The following FLVCR2 variants were observed in gnomAD, a reference collection of about 807,000 sequenced individuals.
The protein encoded by FLVCR2 is FLVCR choline and putative heme transporter 2, also known as choline/ethanolamine transporter FLVCR2.
FLVCR2 carries 38 observed loss-of-function variants against 48.9 expected under a neutral mutation model. That is an observed-to-expected ratio of 0.78 (90% CI 0.60 to 1.02). FLVCR2 has a LOEUF of 1.02. FLVCR2 is among the 50% of genes least tolerant of loss of function. FLVCR2 has a pLI of 0.00. For missense variants in FLVCR2, 664 were observed against 663.3 expected, an observed-to-expected ratio of 1.00 and a Z score of -0.01; for synonymous variants, 255 against 257.0, an observed-to-expected ratio of 0.99 and a Z score of 0.07.
intron 1 of FLVCR2, among the ~76,000 whole-genome samples, chr14:75,584,312 C>T (rs149002411): frequency 0.022 from 3,281 of 152,282 alleles, 122 homozygotes; most frequent in African/African-American, 0.072. Context: ...ACCTTGAAGG[C>T]GAGGTTGATT....
intron 1 of FLVCR2, among the ~76,000 whole-genome samples, chr14:75,594,616 G>A (rs1266098476): frequency 6.6e-6 from 1 of 152,194 alleles, no homozygotes. Context: ...AACATGGCAG[G>A]AGCCGTCACA....
chr14:75,586,006 T>C (rs1252289844), intron 1 of FLVCR2, among the ~76,000 whole-genome samples: 2 of 152,028 alleles, frequency 1.3e-5, no homozygotes, highest in Non-Finnish European at 2.9e-5. Context: ...CTTCACAGAG[T>C]GAGGGTGAGG....
chr14:75,582,753 G>A (rs747699234), intron 1 of FLVCR2, among the ~76,000 whole-genome samples: 7 of 152,178 alleles, frequency 4.6e-5, no homozygotes, highest in South Asian at 2.1e-4. Context: ...GAGGAGTGGC[G>A]AAAGGATTTA....
Position 75,579,514 on chromosome 14 carries a change from T to G in FLVCR2, c.542T>G (p.Val181Gly). ...SLKPHLFPVT[V>G]VGQLICSVAQ... Reference sequence around the variant, plus strand: ...AAGCCGCATCTCTTTCCGGTCACCGTGGTGGGCCAGCTCATCTGCTCTGTG... The same window carrying G: ...AAGCCGCATCTCTTTCCGGTCACCGGGGTGGGCCAGCTCATCTGCTCTGTG... The change falls in exon 1 of 10, where the codon GTG (valine) becomes GGG (glycine). Residue 181 changes from valine to glycine, a missense_variant. Val to Gly is a moderately radical substitution (Grantham distance 109). Coordinates refer to ENST00000238667, the MANE Select transcript of FLVCR2 (RefSeq NM_017791.3). 6.2e-7 allele frequency: 1 copy of G among 1,613,116 alleles called. No homozygotes were observed. Among genetic ancestry groups the G allele is most frequent in the Non-Finnish European group, 8.5e-7 (1 of 1,179,302 alleles).
At chr14:75,615,746 G>A (rs72723669) in intron 1 of FLVCR2, among the ~76,000 whole-genome samples, 497 of 151,886 alleles carry the variant, frequency 3.3e-3, no homozygotes, top group Non-Finnish European at 5.2e-3. Context: ...CCGGCTGGGC[G>A]TCATGGCTCA....
chr14:75,610,658 G>C (rs567026953), intron 1 of FLVCR2, among the ~76,000 whole-genome samples: 1 of 152,318 alleles, frequency 6.6e-6, no homozygotes, highest in South Asian at 2.1e-4. Flanking sequence ...TGAGCTCCTT[G>C]TCTTGCATCT....
At chr14:75,598,815 G>A (rs1350140306) in intron 1 of FLVCR2, among the ~76,000 whole-genome samples, 1 of 152,342 alleles carries the variant, frequency 6.6e-6, no homozygotes, top group South Asian at 2.1e-4. Context: ...TGTTATAGTT[G>A]CTTGTTAATT....
At chr14:75,622,693 G>C (rs1889795523) in intron 2 of FLVCR2, among the ~76,000 whole-genome samples, 1 of 151,986 alleles carries the variant, frequency 6.6e-6, no homozygotes, top group Non-Finnish European at 1.5e-5. Context: ...GGCAGAGATT[G>C]GATTCAAGTC....
chr14:75,583,901 C>T (rs550460772), intron 1 of FLVCR2, among the ~76,000 whole-genome samples: 17 of 152,294 alleles, frequency 1.1e-4, no homozygotes, highest in East Asian at 3.9e-4. Flanking sequence ...GTGTCTGTGA[C>T]GGTCCAGGGG....
chr14:75,592,744 T>C (rs751662507), intron 1 of FLVCR2, among the ~76,000 whole-genome samples: 5 of 152,140 alleles, frequency 3.3e-5, no homozygotes, highest in Non-Finnish European at 7.3e-5. Flanking sequence ...ATCACAGCAC[T>C]TTGGGAGGCC....
At chr14:75,612,209 T>TA (rs1383476745) in intron 1 of FLVCR2, among the ~76,000 whole-genome samples, 6 of 152,206 alleles carry the variant, frequency 3.9e-5, no homozygotes, top group African/African-American at 1.4e-4. Context: ...CTCATCGCTA[T>TA]TATTATCTTC....
chr14:75,593,748 T>A (rs1456962828), intron 1 of FLVCR2, among the ~76,000 whole-genome samples: 1 of 152,246 alleles, frequency 6.6e-6, no homozygotes, highest in Non-Finnish European at 1.5e-5. Flanking sequence ...ATCTCTGAAA[T>A]GTCTTCAGGG....
In FLVCR2 at chr14:75,605,674, G is replaced by A. The variant is rs374470470; in HGVS notation, c.670-16405G>A. ...CCAACTTCTTTGGGTTCAGCCGTGT[G>A]TCCGGAGCCTTAGGAGGGAGGAGTG... On this transcript the variant is annotated intron_variant, in intron 1 of 9. Transcript: ENST00000238667. 3.3e-6 allele frequency: 5 copies of A among 1,514,380 alleles called. No individual in the cohort carries two copies. In the South Asian group the frequency reaches 3.6e-5, roughly 11 times the overall value. The allele number at this position is 1,514,380 out of a possible 1,614,324, so 93.8% of individuals were successfully genotyped here.
intron 1 of FLVCR2, among the ~76,000 whole-genome samples, chr14:75,617,737 A>G (rs1377615977): frequency 6.6e-6 from 1 of 152,214 alleles, no homozygotes; most frequent in Non-Finnish European, 1.5e-5. Context: ...GCCTGCAGAG[A>G]TCAGTGTGAG....
intron 3 of FLVCR2, among the ~76,000 whole-genome samples, chr14:75,629,645 C>G (rs1889990873): frequency 6.6e-6 from 1 of 152,194 alleles, no homozygotes; most frequent in Non-Finnish European, 1.5e-5. Context: ...CTTTGTGTCT[C>G]TGGATCTTGC....
intron 1 of FLVCR2, among the ~76,000 whole-genome samples, chr14:75,582,901 G>T (rs2140002106): frequency 6.6e-6 from 1 of 152,254 alleles, no homozygotes; most frequent in Non-Finnish European, 1.5e-5. Context: ...AAGGTGTTGG[G>T]GTTTGGGAGA....
At chr14:75,581,753 A>G (rs990022263) in intron 1 of FLVCR2, among the ~76,000 whole-genome samples, 2 of 152,200 alleles carry the variant, frequency 1.3e-5, no homozygotes, top group African/African-American at 4.8e-5. Context: ...GCAAATCCCC[A>G]AGCTTGATAT....
chr14:75,611,659 G>A (rs1020831588), intron 1 of FLVCR2, among the ~76,000 whole-genome samples: 14 of 152,046 alleles, frequency 9.2e-5, no homozygotes, highest in African/African-American at 3.1e-4. Flanking sequence ...GATTGCTTGA[G>A]CCAGGGAAGT....
At chr14:75,592,525 A>G (rs1888911784) in intron 1 of FLVCR2, among the ~76,000 whole-genome samples, 1 of 152,166 alleles carries the variant, frequency 6.6e-6, no homozygotes, top group South Asian at 2.1e-4. Flanking sequence ...CTGCACCCTT[A>G]GATTCCTCTT....
Sources: allele counts gnomAD v4.1 joint callset (sites outside exome capture counted in the v4.1 genomes callset), GRCh38; gene constraint gnomAD v4.1.1; transcripts MANE v1.5; gene names NCBI Gene and HGNC (gene_info 2026-07-23, HGNC 2026-07-21).